PDZD2: variants seen among roughly 807,000 people sequenced by gnomAD.
PDZD2 encodes the protein PDZ domain-containing protein 2.
PDZD2 carries 90 observed loss-of-function variants against 220.7 expected under a neutral mutation model. The ratio of observed to expected loss-of-function variants is 0.41; its 90% CI spans 0.34 to 0.49. The LOEUF is 0.49. PDZD2 is among the 20% of genes least tolerant of loss of function. The probability of loss-of-function intolerance (pLI) is 0.28; values close to 1 mark genes in which losing one functional copy is unlikely to be tolerated. For synonymous variants in PDZD2, 1,375 were observed against 1,450.5 expected, an observed-to-expected ratio of 0.95 and a Z score of 1.18; for missense variants, 3,174 against 3,608.5, an observed-to-expected ratio of 0.88 and a Z score of 3.08.
intron 1 of PDZD2, among the ~76,000 whole-genome samples, chr5:31,757,944 T>C (rs529738): frequency 0.053 from 8,019 of 152,282 alleles, 607 homozygotes; most frequent in East Asian, 0.39. Context: ...CTTCTGAGGG[T>C]GAATTAACTC....
intron 1 of PDZD2, among the ~76,000 whole-genome samples, chr5:31,721,128 A>G (rs545892864): frequency 6.6e-6 from 1 of 152,282 alleles, no homozygotes; most frequent in African/African-American, 2.4e-5. Context: ...GTGGTCAGGG[A>G]AGGCTTCCTG....
intron 19 of PDZD2, among the ~76,000 whole-genome samples, chr5:32,081,446 T>G (rs1352906711): frequency 6.6e-6 from 1 of 152,232 alleles, no homozygotes; most frequent in Non-Finnish European, 1.5e-5. Flanking sequence ...TCTTTAAGGG[T>G]CCTCGTCAGG....
intron 2 of PDZD2, among the ~76,000 whole-genome samples, chr5:31,844,482 T>A (rs548451625): frequency 3.3e-5 from 5 of 152,334 alleles, no homozygotes; most frequent in Admixed American, 6.5e-5. Flanking sequence ...TTACTGAGTA[T>A]AGAAATGATT....
intron 2 of PDZD2, among the ~76,000 whole-genome samples, chr5:31,932,575 A>C (rs77859175): frequency 1.0e-3 from 158 of 151,776 alleles, no homozygotes; most frequent in African/African-American, 3.3e-3. Context: ...AAAGAAAGAA[A>C]GAAAGAAAAT....
chr5:32,050,562 G>A (rs762109735), intron 8 of PDZD2, among the ~76,000 whole-genome samples: 60 of 152,020 alleles, frequency 3.9e-4, no homozygotes, highest in Middle Eastern at 3.4e-3. Flanking sequence ...GATCATGCCC[G>A]TAATCCCAGC....
At chr5:31,683,207 TAAAAAAAAAA>T (rs35467814) in intron 1 of PDZD2, among the ~76,000 whole-genome samples, 1 of 129,056 alleles carries the variant, frequency 7.7e-6, no homozygotes, top group African/African-American at 2.9e-5. Flanking sequence ...ATCAGAATGT[TAAAAAAAAAA>T]AAAAAAAAGA....
rs547894032 is a variant in PDZD2, at chr5:32,068,070, G to A, written c.2452-1499G>A. On this transcript the variant is annotated intron_variant, in intron 14 of 24. Transcript: ENST00000438447. ...TAATCAAGAGATCAAAGTTATCACC[G>A]ATTATAAGACACATTGACCCTTAGT... 5.9e-5 allele frequency among the ~76,000 whole-genome samples: 9 copies of A among 152,134 alleles called. No homozygotes were observed. The South Asian group carries it at 1.2e-3, about 21-fold the overall frequency.
At chr5:31,999,280 G>GT (rs60415381) in intron 4 of PDZD2, among the ~76,000 whole-genome samples, 3,363 of 127,654 alleles carry the variant, frequency 0.026, 84 homozygotes, top group African/African-American at 0.064. Context: ...GGCGGGATTT[G>GT]TTTTTTTTTT....
intron 2 of PDZD2, among the ~76,000 whole-genome samples, chr5:31,875,732 C>T (rs1739247302): frequency 6.7e-6 from 1 of 150,234 alleles, no homozygotes; most frequent in Non-Finnish European, 1.5e-5. Flanking sequence ...CACCCCAAAT[C>T]AATTAAAAAT....
chr5:31,993,346 T>C (rs771098192), intron 3 of PDZD2, among the ~76,000 whole-genome samples: 2 of 152,152 alleles, frequency 1.3e-5, no homozygotes, highest in Non-Finnish European at 2.9e-5. Flanking sequence ...CCAGCGTCTG[T>C]TCCTGGGATA....
At position 32,059,359 on chromosome 5, in the gene PDZD2, T is replaced by G; in HGVS notation, c.2318+3T>G. 1 of 1,482,020 alleles carries G rather than the reference T, an allele frequency of 6.7e-7. No homozygotes were observed. The highest frequency in any genetic ancestry group is 9.4e-7 in the Non-Finnish European group (1 of 1,059,518). 91.8% of individuals were successfully genotyped at this position (1,482,020 alleles called of 1,614,324 possible). ...GCCAAGATGGAGAGCAACCTGAGGTTTGTTGTTTGCCTGATAGTGTAAGGT... is the reference window on the plus strand; with the variant it reads ...GCCAAGATGGAGAGCAACCTGAGGTGTGTTGTTTGCCTGATAGTGTAAGGT... On this transcript the variant is annotated splice_donor_region_variant and intron_variant, in intron 13 of 24. Transcript: ENST00000438447.
chr5:31,702,681 C>T (rs1028161915), intron 1 of PDZD2, among the ~76,000 whole-genome samples: 1 of 152,120 alleles, frequency 6.6e-6, no homozygotes, highest in Non-Finnish European at 1.5e-5. Context: ...AGAGATAGGC[C>T]AAGATTATCT....
At chr5:31,999,813 G>A (rs1021772246) in intron 4 of PDZD2, among the ~76,000 whole-genome samples, 3 of 152,150 alleles carry the variant, frequency 2.0e-5, no homozygotes, top group East Asian at 1.9e-4. Flanking sequence ...CGAATGACTC[G>A]ACTCTCCTCA....
At chr5:31,779,431 G>C (rs1238507776) in intron 1 of PDZD2, among the ~76,000 whole-genome samples, 2 of 112,104 alleles carry the variant, frequency 1.8e-5, no homozygotes, top group African/African-American at 7.2e-5. Flanking sequence ...CTGGAGTGCA[G>C]TGGCGCAATC....
chr5:32,049,095 C>T (rs1645920970), intron 8 of PDZD2, among the ~76,000 whole-genome samples: 2 of 152,006 alleles, frequency 1.3e-5, no homozygotes, highest in Admixed American at 1.3e-4. Flanking sequence ...GCATCCATGG[C>T]TCACCTGGAG....
At chr5:32,101,853 CATA>C (rs1283947319) in intron 24 of PDZD2, among the ~76,000 whole-genome samples, 1 of 152,170 alleles carries the variant, frequency 6.6e-6, no homozygotes, top group Non-Finnish European at 1.5e-5. Context: ...TATATTAACT[CATA>C]ATTGTACTAA....
intron 14 of PDZD2, 83 bp downstream of exon 14, chr5:32,061,217 C>A: frequency 7.0e-7 from 1 of 1,428,592 alleles, no homozygotes; most frequent in Non-Finnish European, 9.8e-7. Flanking sequence ...AGATGGTTTT[C>A]CCAGCTGGGG....
chr5:32,045,094 G>T (rs1389847960), intron 7 of PDZD2, among the ~76,000 whole-genome samples: 1 of 152,186 alleles, frequency 6.6e-6, no homozygotes, highest in Non-Finnish European at 1.5e-5. Context: ...GATGACAAGT[G>T]CCTCCCTGTC....
At chr5:32,052,564 A>C (rs775214899) in intron 8 of PDZD2, 47 bp from the exon 9 acceptor site, 24 of 1,593,128 alleles carry the variant, frequency 1.5e-5, no homozygotes, top group Non-Finnish European at 2.1e-5. Flanking sequence ...ATACCACAAT[A>C]GAACAAATGA....
Sources: gnomAD v4.1 joint callset for allele counts (sites outside exome capture counted in the v4.1 genomes callset) on GRCh38, gnomAD v4.1.1 for gene constraint, MANE v1.5 for transcripts, NCBI Gene and HGNC (gene_info 2026-07-23, HGNC 2026-07-21) for gene names.